The following XRCC4 variants were observed in gnomAD, a reference collection of about 807,000 sequenced individuals.
XRCC4 encodes the protein DNA repair protein XRCC4.
In XRCC4, 28 loss-of-function variants were observed where a neutral mutation model predicts 39.1. The ratio of observed to expected loss-of-function variants is 0.72; its 90% confidence interval spans 0.53 to 0.98. XRCC4 has a LOEUF of 0.98. Among genes scored for constraint, XRCC4 ranks in the 50% least tolerant of loss-of-function variants. The pLI, the probability that XRCC4 is intolerant of heterozygous loss-of-function variation, is 0.00. For missense variants in XRCC4, 350 were observed against 376.4 expected (o/e 0.93, Z 0.58); for synonymous variants, 123 against 126.4 (o/e 0.97, Z 0.18).
At chr5:83,220,931 A>G (rs1025471689) in intron 6 of XRCC4, among the ~76,000 whole-genome samples, 2 of 152,192 alleles carry the variant, frequency 1.3e-5, no homozygotes, top group South Asian at 4.1e-4. Flanking sequence ...CGGTGACATC[A>G]GTGTTTTAAA....
At position 83,100,053 on chromosome 5, in the gene XRCC4, C is replaced by G. The variant is rs537409773; in HGVS notation, c.-10-4857C>G. Among the ~76,000 whole-genome samples the G allele has an allele frequency of 1.2e-4, 18 of 152,114 alleles. No individual in the cohort carries two copies. The East Asian group carries it at 3.5e-3, about 29-fold the overall frequency. ...GTAAAAGAATGAAGTGCTTTCAAACCTCATTCAAATAGTATGGTATTAGGA... is the reference window on the plus strand; with the variant it reads ...GTAAAAGAATGAAGTGCTTTCAAACGTCATTCAAATAGTATGGTATTAGGA... On this transcript the variant is annotated intron_variant, in intron 1 of 7. Coordinates refer to ENST00000396027, the MANE Select transcript of XRCC4 (RefSeq NM_003401.5).
At chr5:83,207,587 G>A (rs926629044) in intron 6 of XRCC4, among the ~76,000 whole-genome samples, 2 of 151,966 alleles carry the variant, frequency 1.3e-5, no homozygotes, top group South Asian at 2.1e-4. Flanking sequence ...GGAAACAGAT[G>A]CTGACTGAAA....
intron 3 of XRCC4, among the ~76,000 whole-genome samples, chr5:83,184,980 T>C (rs1397635914): frequency 5.9e-5 from 9 of 152,096 alleles, no homozygotes; most frequent in Non-Finnish European, 1.3e-4. Context: ...GTTACAGTTG[T>C]TTATTCAGGA....
chr5:83,144,693 A>T (rs1375191414), intron 3 of XRCC4, among the ~76,000 whole-genome samples: 1 of 151,788 alleles, frequency 6.6e-6, no homozygotes, highest in East Asian at 1.9e-4. Flanking sequence ...TTCTTCTAAG[A>T]CTTTAAAAAT....
intron 6 of XRCC4, among the ~76,000 whole-genome samples, chr5:83,243,083 TAAAG>T (rs957859786): frequency 2.6e-5 from 4 of 152,220 alleles, no homozygotes; most frequent in Admixed American, 2.6e-4. Context: ...AACTTTTCTA[TAAAG>T]ACTGGAATAA....
chr5:83,088,037 A>T (rs1032014683), intron 1 of XRCC4, among the ~76,000 whole-genome samples: 19 of 152,110 alleles, frequency 1.2e-4, no homozygotes, highest in Non-Finnish European at 1.2e-4. Context: ...CTACTAGTTG[A>T]TTGTTGGTAT....
chr5:83,287,533 G>A (rs534187733), intron 7 of XRCC4, among the ~76,000 whole-genome samples: 1 of 152,060 alleles, frequency 6.6e-6, no homozygotes, highest in Middle Eastern at 3.4e-3. Flanking sequence ...GATCCAGAAT[G>A]GAGATGGAGA....
At chr5:83,244,163 C>T (rs1753014296) in intron 6 of XRCC4, among the ~76,000 whole-genome samples, 1 of 151,722 alleles carries the variant, frequency 6.6e-6, no homozygotes, top group African/African-American at 2.4e-5. Context: ...TAACTCTCCT[C>T]ATTATGTACT....
At chr5:83,100,773 A>G (rs1401360799) in intron 1 of XRCC4, among the ~76,000 whole-genome samples, 1 of 138,466 alleles carries the variant, frequency 7.2e-6, no homozygotes, top group African/African-American at 2.5e-5. Flanking sequence ...GCCTTGAACT[A>G]TATGTCTTTT....
intron 7 of XRCC4, among the ~76,000 whole-genome samples, chr5:83,270,609 G>A (rs1016045230): frequency 2.2e-4 from 33 of 151,636 alleles, no homozygotes; most frequent in Admixed American, 1.6e-3. Flanking sequence ...ATACTTCTCC[G>A]CATGTCTCCA....
intron 6 of XRCC4, among the ~76,000 whole-genome samples, chr5:83,252,412 T>A (rs535155074): frequency 1.3e-5 from 2 of 152,086 alleles, no homozygotes; most frequent in South Asian, 4.1e-4. Flanking sequence ...AGATGGTGGT[T>A]CTGTGACAAT....
At chr5:83,287,958 G>A (rs895564924) in intron 7 of XRCC4, among the ~76,000 whole-genome samples, 4 of 151,624 alleles carry the variant, frequency 2.6e-5, no homozygotes, top group African/African-American at 9.7e-5. Flanking sequence ...TGCTTTCGTT[G>A]CATCCCACAC....
At chr5:83,184,517 T>G (rs1750349380) in intron 3 of XRCC4, among the ~76,000 whole-genome samples, 1 of 152,086 alleles carries the variant, frequency 6.6e-6, no homozygotes, top group Non-Finnish European at 1.5e-5. Context: ...TTAATTTAGT[T>G]TTTTTGGAGA....
intron 6 of XRCC4, among the ~76,000 whole-genome samples, chr5:83,230,892 G>A (rs974391800): frequency 6.6e-6 from 1 of 151,822 alleles, no homozygotes; most frequent in African/African-American, 2.4e-5. Context: ...TTCTAAACAG[G>A]AAAAATTACC....
At chr5:83,173,893 A>C (rs1048892222) in intron 3 of XRCC4, among the ~76,000 whole-genome samples, 1 of 152,124 alleles carries the variant, frequency 6.6e-6, no homozygotes, top group African/African-American at 2.4e-5. Context: ...GTCTCTTAAG[A>C]AGCAGTCAGC....
chr5:83,144,149 A>G (rs888441559), intron 3 of XRCC4, among the ~76,000 whole-genome samples: 1 of 152,118 alleles, frequency 6.6e-6, no homozygotes, highest in South Asian at 2.1e-4. Flanking sequence ...AAGTGAGAAC[A>G]TGAAGTATTT....
chr5:83,283,369 T>C (rs1462630742), intron 7 of XRCC4, among the ~76,000 whole-genome samples: 1 of 152,224 alleles, frequency 6.6e-6, no homozygotes, highest in Non-Finnish European at 1.5e-5. Flanking sequence ...TGTATATTCA[T>C]AATTCTCATT....
chr5:83,257,726 A>T (rs897287154), intron 6 of XRCC4, among the ~76,000 whole-genome samples: 10 of 152,322 alleles, frequency 6.6e-5, no homozygotes, highest in Admixed American at 2.0e-4. Context: ...TACTATAAAG[A>T]CATATGCACA....
At chr5:83,349,391 A>T (rs1385241072) in intron 7 of XRCC4, among the ~76,000 whole-genome samples, 1 of 152,212 alleles carries the variant, frequency 6.6e-6, no homozygotes, top group Admixed American at 6.5e-5. Context: ...AACATTTACT[A>T]CCTGTAAAAA....
Sources: allele counts gnomAD v4.1 joint callset (sites outside exome capture counted in the v4.1 genomes callset), GRCh38; gene constraint gnomAD v4.1.1; transcripts MANE v1.5; gene names NCBI Gene and HGNC (gene_info 2026-07-23, HGNC 2026-07-21).